The following MUC4 variants were observed in gnomAD, a reference collection of about 807,000 sequenced individuals.
The protein encoded by MUC4 is mucin-4.
A neutral mutation model predicts 257.9 loss-of-function variants in MUC4; 202 were observed. That is an observed-to-expected ratio of 0.78 (90% confidence interval 0.70 to 0.88). The LOEUF is 0.88. MUC4 is among the 40% of genes least tolerant of loss of function. MUC4 has a pLI of 0.00. For synonymous variants in MUC4, 2,351 were observed against 2,757.1 expected (o/e 0.85, Z 4.62); for missense variants, 5,976 against 6,513.7 (o/e 0.92, Z 2.84).
Position 195,767,276 on chromosome 3 carries a change from G to A in MUC4, c.13530-525C>T, listed in dbSNP as rs117485120. On this transcript the variant is annotated intron_variant, in intron 7 of 24. Transcript: ENST00000463781. ...GGATTACAGTGGCATCTACCTCACT[G>A]TATTGTGAGGATTAAATGCAGTAAC... Among the ~76,000 whole-genome samples, 104 of 152,180 alleles carry A rather than the reference G, an allele frequency of 6.8e-4. 1 individual carries two copies. In the East Asian group the frequency reaches 0.017, roughly 25 times the overall value.
At chr3:195,773,132 C>T (rs1423174203) in intron 4 of MUC4, among the ~76,000 whole-genome samples, 1 of 148,504 alleles carries the variant, frequency 6.7e-6, no homozygotes, top group Non-Finnish European at 1.5e-5. Flanking sequence ...TAGACACCCC[C>T]TCTCCATCGC....
chr3:195,780,316 G>C lies in MUC4; in HGVS notation c.11264C>G (p.Thr3755Arg), dbSNP rs1357574925. ...LPVTSTSSAS[T>R]GHATPLLVTD... is the part of the protein sequence containing the mutation. ...GACAAGAAGAGGGGTGGCGTGACCT[G>C]TGGATGCTGAGGAAGTGCTGGTGAC... Residue 3755 changes from threonine to arginine, a missense_variant, in exon 2 of 25, where the codon ACA (threonine) becomes AGA (arginine). Thr to Arg is a moderately conservative substitution (Grantham distance 71). Coordinates refer to ENST00000463781, the MANE Select transcript of MUC4 (RefSeq NM_018406.7). 3.3e-6 allele frequency: 5 copies of C among 1,527,850 alleles called. No homozygotes were observed. The highest frequency in any genetic ancestry group is 2.0e-5 in the Admixed American group (1 of 49,802). 94.6% of individuals were successfully genotyped at this position (1,527,850 alleles called of 1,614,324 possible).
chr3:195,788,908 G>C lies in MUC4; in HGVS notation c.2672C>G (p.Pro891Arg). 2 of 1,613,690 alleles carry C rather than the reference G, an allele frequency of 1.2e-6. No individual in the cohort carries two copies. Among genetic ancestry groups the C allele is most frequent in the South Asian group, 1.1e-5 (1 of 91,062 alleles). ...CTGAGGAGAGGCACTGGGAGAAGTT[G>C]GGCTTGACTGTCCTGTCGGTCTCCC... is the stretch of plus-strand genomic sequence containing the variant. ...TAGRPTGQSS[P>R]TSPSASPQET... Residue 891 changes from proline to arginine, a missense_variant, in exon 2 of 25, where the codon CCA becomes CGA. Pro to Arg is a moderately radical substitution (Grantham distance 103). Coordinates refer to ENST00000463781, the MANE Select transcript of MUC4 (RefSeq NM_018406.7).
At chr3:195,803,091 TTA>T (rs902165512) in intron 1 of MUC4, among the ~76,000 whole-genome samples, 35 of 152,298 alleles carry the variant, frequency 2.3e-4, no homozygotes, top group African/African-American at 7.5e-4. Flanking sequence ...GAGGATCGAA[TTA>T]TATGTCTTCC....
Position 195,789,476 on chromosome 3 carries a change from C to A in MUC4, c.2104G>T (p.Asp702Tyr). The change falls in exon 2 of 25, where the codon GAT (aspartate) becomes TAT (tyrosine). Residue 702 changes from aspartate to tyrosine, a missense_variant. Around this residue, in one of 44 missense-constraint regions of MUC4, gnomAD observed 1,583 missense variants for 1,257.4 expected, o/e 1.26. Coordinates refer to ENST00000463781, the MANE Select transcript of MUC4 (RefSeq NM_018406.7). ...ATTFAPAPTG[D>Y]GHTTQAPTTA... ...GTCGGGGCCTGGGTTGTGTGACCAT[C>A]CCCGGTGGGAGCTGGGGCAAAGGTT... 6.2e-7 allele frequency: 1 copy of A among 1,613,966 alleles called. No homozygotes were observed. Among genetic ancestry groups the A allele is most frequent in the East Asian group, 2.2e-5 (1 of 44,884 alleles).
rs770778490 is a variant in MUC4, at chr3:195,754,248, G to T, written c.15293C>A (p.Pro5098His). The change falls in exon 19 of 25, where the codon CCT becomes CAT. Residue 5098 changes from proline (P) to histidine (H), a missense_variant. Coordinates refer to ENST00000463781, the MANE Select transcript of MUC4 (RefSeq NM_018406.7). ...CCGCCCATCCCCAGTCAGGTTTGGA[G>T]GGCAGGCCTCGCAGCCCTTCCCAGG... ...CVPGKGCEAC[P>H]PNLTGDGRHC... 6.2e-7 allele frequency: 1 copy of T among 1,613,940 alleles called. No homozygotes were observed. The highest frequency in any genetic ancestry group is 2.2e-5 in the East Asian group (1 of 44,872).
rs536713556 is a variant in MUC4 at position 195,794,600 on chromosome 3, G to A, written c.83-3103C>T. On this transcript the variant is annotated intron_variant, in intron 1 of 24. Coordinates refer to ENST00000463781, the MANE Select transcript of MUC4 (RefSeq NM_018406.7). The stretch of plus-strand genomic sequence containing the variant: ...TGGTGTCGAACTCCCGGCCTCAAGC[G>A]ATCCTCCTGCTTCAGACTCTCAAAG... Among the ~76,000 whole-genome samples the A allele has an allele frequency of 7.2e-5, 11 of 152,166 alleles. 1 individual carries two copies. The highest frequency in any genetic ancestry group is 4.2e-4 in the South Asian group (2 of 4,810).
chr3:195,754,082 C>A, intron 19 of MUC4, 131 bp downstream of exon 19: 1 of 1,273,912 alleles, frequency 7.8e-7, no homozygotes, highest in Non-Finnish European at 1.1e-6. Flanking sequence ...AGATTTCCCA[C>A]ACCTGCCTAG....
At chr3:195,767,477 CCATCACCACCACCAT>C (rs1720865871) in intron 7 of MUC4, among the ~76,000 whole-genome samples, 2 of 143,512 alleles carry the variant, frequency 1.4e-5, no homozygotes, top group Admixed American at 6.9e-5. Context: ...ACCACCATCA[CCATCACCACCACCAT>C]CACCATCACC....
In MUC4 at chr3:195,779,712, G is replaced by A. The variant is rs112574652; in HGVS notation, c.11868C>T (p.Thr3956=). 261 of 1,400,166 alleles carry A rather than the reference G, an allele frequency of 1.9e-4. 11 individuals are homozygous for A. The Middle Eastern group carries it at 2.5e-3, about 13-fold the overall frequency. 86.7% of individuals were successfully genotyped at this position (1,400,166 alleles called of 1,614,324 possible). ...GACCTGTGGATACTGAGGAAGTGTC[G>A]GTGACAGGAAGAGGGGTGGTGTCAC... ...STGDTTPLPV[T]DTSSVSTGHA... Residue 3956 remains threonine, a synonymous_variant, in exon 2 of 25, where the codon ACC becomes ACT. Coordinates refer to ENST00000463781, the MANE Select transcript of MUC4 (RefSeq NM_018406.7).
rs2148885322 is a variant in MUC4, at chr3:195,775,440, C to CCATACCTTCCACAGT, written c.12944-1136_12944-1135insACTGTGGAAGGTATG. On this transcript the variant is annotated intron_variant, in intron 3 of 24. Coordinates refer to ENST00000463781, the MANE Select transcript of MUC4 (RefSeq NM_018406.7). ...CCTTCCACACCCATACCTTCCACACCCATACCTTCCACACCCATACCTTCC... is the reference window on the plus strand; with the variant it reads ...CCTTCCACACCCATACCTTCCACACCCATACCTTCCACAGTCATACCTTCCACACCCATACCTTCC... Among the ~76,000 whole-genome samples, 33 of 82,748 alleles carry CCATACCTTCCACAGT rather than the reference C, an allele frequency of 4.0e-4. 2 individuals are homozygous for CCATACCTTCCACAGT. The highest frequency in any genetic ancestry group is 8.0e-4 in the Admixed American group (7 of 8,762). The allele number at this position is 82,748 out of a possible 152,430, so 54.3% of individuals were successfully genotyped here. A position where few individuals can be genotyped will look rare whatever the true frequency, so the allele number is the denominator to read the frequency against.
Position 195,765,589 on chromosome 3 carries a change from A to G in MUC4, c.13619-140T>C, listed in dbSNP as rs536348116. 4.8e-5 allele frequency: 39 copies of G among 814,446 alleles called. No individual in the cohort carries two copies. The African/African-American group carries it at 6.1e-4, about 13-fold the overall frequency. 50.5% of individuals were successfully genotyped at this position (814,446 alleles called of 1,614,324 possible). A position where few individuals can be genotyped will look rare whatever the true frequency, so the allele number is the denominator to read the frequency against. ...TCTTTGGACCCAAGTCAGATGGGCA[A>G]CAATTCCTCCCCCAAAGCCCCTCGC... On this transcript the variant is annotated intron_variant, in intron 8 of 24. Coordinates refer to ENST00000463781, the MANE Select transcript of MUC4 (RefSeq NM_018406.7).
intron 1 of MUC4, among the ~76,000 whole-genome samples, chr3:195,807,789 G>A (rs539320725): frequency 5.3e-5 from 8 of 152,308 alleles, no homozygotes; most frequent in African/African-American, 1.7e-4. Flanking sequence ...AAAACCACCC[G>A]TTGAGCGTAC....
rs1560263533 is a variant in MUC4 at position 195,767,692 on chromosome 3, CCCCCAAAAAAT to C, written c.13530-952_13530-942del. ...CACCATCACCACCATCACTGGCCACCCCCCAAAAAATACCACCATCGGCCACCACCACCATC... is the reference window on the plus strand; with the variant it reads ...CACCATCACCACCATCACTGGCCACCACCACCATCGGCCACCACCACCATC... On this transcript the variant is annotated intron_variant, in intron 7 of 24. Transcript: ENST00000463781. 9.8e-3 allele frequency among the ~76,000 whole-genome samples: 27 copies of C among 2,746 alleles called. 1 individual carries two copies. Among genetic ancestry groups the C allele is most frequent in the Non-Finnish European group, 0.015 (20 of 1,378 alleles). The allele number at this position is 2,746 out of a possible 152,430, so 1.8% of individuals were successfully genotyped here.
Position 195,757,248 on chromosome 3 carries a change from A to C in MUC4, c.15067T>G (p.Leu5023Val). 1.2e-6 allele frequency: 2 copies of C among 1,613,584 alleles called. No homozygotes were observed. The highest frequency in any genetic ancestry group is 1.7e-6 in the Non-Finnish European group (2 of 1,179,512). ...EILARSAKIG[L>V]ASALQPRTVV... ...GTCCTGGGCTGGAGTGCAGATGCCA[A>C]GCCAATCTTGGCACTTCTTGCTAGA... The change falls in exon 18 of 25, where the codon TTG becomes GTG. Residue 5023 changes from leucine to valine, a missense_variant. Coordinates refer to ENST00000463781, the MANE Select transcript of MUC4 (RefSeq NM_018406.7). The surrounding 1 kb of genome is among the most constrained non-coding windows in gnomAD (Gnocchi z 4.8).
In MUC4 at chr3:195,750,882, G is replaced by A. The variant is rs1400774216; in HGVS notation, c.15871+7C>T. On this transcript the variant is annotated splice_region_variant and intron_variant, in intron 23 of 24. Transcript: ENST00000463781. Reference sequence around the variant, plus strand: ...CCCCATAGTGTCCCCGGAATGGACGGACTCACGGGCTGTCACATCGCGCAC... The same window carrying A: ...CCCCATAGTGTCCCCGGAATGGACGAACTCACGGGCTGTCACATCGCGCAC... 1 of 1,612,602 alleles carries A rather than the reference G, an allele frequency of 6.2e-7. No individual in the cohort carries two copies. The highest frequency in any genetic ancestry group is 2.2e-5 in the East Asian group (1 of 44,842).
In MUC4 at chr3:195,762,087, C is replaced by T. The variant is rs1474500944; in HGVS notation, c.14512G>A (p.Gly4838Arg). 12 of 1,592,042 alleles carry T rather than the reference C, an allele frequency of 7.5e-6. No individual in the cohort carries two copies. The highest frequency in any genetic ancestry group is 9.4e-6 in the Non-Finnish European group (11 of 1,173,136). Reference sequence around the variant, plus strand: ...AGAGGCAGGTCCGAGCCGCCCTCACCCAGGAGCCCCTCCGTGCGGTTCTGG... The same window carrying T: ...AGAGGCAGGTCCGAGCCGCCCTCACTCAGGAGCCCCTCCGTGCGGTTCTGG... ...EYQNRTEGLL[G>R]VWNNNPEDDF... is the part of the protein sequence containing the mutation. The change falls in exon 14 of 25, where the codon GGG (glycine) becomes AGG (arginine). Residue 4838 changes from glycine (G) to arginine (R), a missense_variant and splice_region_variant. This residue lies in a region of MUC4 where 996 missense variants were observed against 1,137.3 expected (regional missense o/e 0.88). Transcript: ENST00000463781.
rs1386512677 is a variant in MUC4, at chr3:195,751,525, G to A, written c.15583-254C>T. On this transcript the variant is annotated intron_variant, in intron 21 of 24. Coordinates refer to ENST00000463781, the MANE Select transcript of MUC4 (RefSeq NM_018406.7). ...TCCCCCCCTCAGCCTCATATGACGAGCAGAGAATCTGACATGAATGGCCCC... is the reference window on the plus strand; with the variant it reads ...TCCCCCCCTCAGCCTCATATGACGAACAGAGAATCTGACATGAATGGCCCC... The A allele has an allele frequency of 6.9e-6, 4 of 582,880 alleles. No individual in the cohort carries two copies. In the East Asian group the frequency reaches 8.5e-5, roughly 12 times the overall value. The allele number at this position is 582,880 out of a possible 1,614,324, so 36.1% of individuals were successfully genotyped here.
intron 7 of MUC4, among the ~76,000 whole-genome samples, chr3:195,767,711 TCGGCC>T (rs1560263842): frequency 0.013 from 14 of 1,110 alleles, no homozygotes; most frequent in Non-Finnish European, 2.0e-3. Context: ...AATACCACCA[TCGGCC>T]ACCACCACCA....
Sources: allele counts gnomAD v4.1 joint callset (sites outside exome capture counted in the v4.1 genomes callset), GRCh38; gene constraint gnomAD v4.1.1; regional missense constraint gnomAD v4.1.1; non-coding constraint Gnocchi (gnomAD v3.1); transcripts MANE v1.5; gene names NCBI Gene and HGNC (gene_info 2026-07-23, HGNC 2026-07-21).